Variants in ZNF98 observed in about 807,000 individuals in gnomAD.
ZNF98 encodes the protein zinc finger protein 739.
ZNF98 carries 8 observed loss-of-function variants against 12.8 expected under a neutral mutation model. The ratio of observed to expected loss-of-function variants is 0.63; its 90% CI spans 0.37 to 1.13. The LOEUF (loss-of-function observed/expected upper bound fraction) is 1.13. Ranked by LOEUF, ZNF98 falls within the 50% of genes most tolerant of loss-of-function variation. ZNF98 has a pLI of 0.01. For synonymous variants in ZNF98, 112 were observed against 223.5 expected, an observed-to-expected ratio of 0.50 and a Z score of 4.45; for missense variants, 379 against 666.1, an observed-to-expected ratio of 0.57 and a Z score of 4.74.
rs1441806233 is a variant in ZNF98 at position 22,392,548 on chromosome 19, T to G, written c.687A>C (p.Lys229Asn). 2 of 1,604,844 alleles carry G rather than the reference T, an allele frequency of 1.2e-6. No individual in the cohort carries two copies. Among genetic ancestry groups the G allele is most frequent in the Non-Finnish European group, 1.7e-6 (2 of 1,176,876 alleles). The change falls in exon 4 of 4, where the codon AAA becomes AAC. Residue 229 changes from lysine (K) to asparagine (N), a missense_variant. By Grantham distance (94) the Lys-to-Asn change is moderately conservative. This residue lies in a region of ZNF98 where 223 missense variants were observed against 261.6 expected (regional missense o/e 0.85). Coordinates refer to ENST00000357774, the MANE Select transcript of ZNF98 (RefSeq NM_001098626.2). ...YNEASNLSTH[K>N]RIHTGKKPYK... ...AGGGTTTCTTTCCAGTATGAATTCTTTTATGTGTAGAAAGGTTTGAGGCCT... is the reference window on the plus strand; with the variant it reads ...AGGGTTTCTTTCCAGTATGAATTCTGTTATGTGTAGAAAGGTTTGAGGCCT...
At chr19:22,411,941 C>T (rs1281132015) in intron 1 of ZNF98, among the ~76,000 whole-genome samples, 3 of 147,834 alleles carry the variant, frequency 2.0e-5, no homozygotes, top group Non-Finnish European at 4.5e-5. Flanking sequence ...TGTTAGAGAC[C>T]GATGAAGAGA....
intron 1 of ZNF98, among the ~76,000 whole-genome samples, chr19:22,410,392 C>T (rs990752564): frequency 6.6e-6 from 1 of 152,154 alleles, no homozygotes; most frequent in Non-Finnish European, 1.5e-5. Flanking sequence ...AAATATGGTA[C>T]ATACACACCA....
intron 3 of ZNF98, among the ~76,000 whole-genome samples, chr19:22,395,291 A>T (rs1323579408): frequency 6.6e-6 from 1 of 151,988 alleles, no homozygotes; most frequent in Admixed American, 6.6e-5. Flanking sequence ...GACTCCCAGA[A>T]TCTCTAGCCA....
At chr19:22,407,730 G>A (rs1969537530) in intron 1 of ZNF98, among the ~76,000 whole-genome samples, 1 of 150,870 alleles carries the variant, frequency 6.6e-6, no homozygotes, top group Non-Finnish European at 1.5e-5. Context: ...AAAAATAAAA[G>A]CAAAAACAAA....
At chr19:22,398,255 G>C (rs1969419364) in intron 3 of ZNF98, among the ~76,000 whole-genome samples, 2 of 152,226 alleles carry the variant, frequency 1.3e-5, no homozygotes, top group South Asian at 4.1e-4. Flanking sequence ...ACAGAAAACA[G>C]AATGGCATTT....
intron 1 of ZNF98, 116 bp downstream of exon 1, chr19:22,422,079 A>C (rs1159029488): frequency 1.5e-6 from 2 of 1,326,118 alleles, no homozygotes; most frequent in Admixed American, 1.7e-5. Context: ...AAGGAGAACT[A>C]GGGGCACGGA....
intron 3 of ZNF98, among the ~76,000 whole-genome samples, chr19:22,394,870 A>C (rs967914376): frequency 2.0e-5 from 3 of 152,210 alleles, no homozygotes; most frequent in African/African-American, 7.2e-5. Flanking sequence ...AAACAATTAT[A>C]GCAAGTGATT....
chr19:22,391,616 T>C lies in ZNF98; in HGVS notation c.1619A>G (p.His540Arg). The C allele has an allele frequency of 6.2e-7, 1 of 1,613,310 alleles. No individual in the cohort carries two copies. The highest frequency in any genetic ancestry group is 8.5e-7 in the Non-Finnish European group (1 of 1,179,642). The change falls in exon 4 of 4, where the codon CAT (histidine) becomes CGT (arginine). Residue 540 changes from histidine to arginine, a missense_variant. His to Arg is a conservative substitution (Grantham distance 29). Around this residue, in one of 8 missense-constraint regions of ZNF98, gnomAD observed 59 missense variants for 50.3 expected, o/e 1.17. Coordinates refer to ENST00000357774, the MANE Select transcript of ZNF98 (RefSeq NM_001098626.2). ...SSILNRHKMI[H>R]TGEKLYKPES... Reference sequence around the variant, plus strand: ...AGGTTTGTAGAGTTTCTCTCCAGTATGAATCATCTTATGTCTGTTAAGAAT... The same window carrying C: ...AGGTTTGTAGAGTTTCTCTCCAGTACGAATCATCTTATGTCTGTTAAGAAT...
chr19:22,405,767 C>T (rs1384975750), intron 1 of ZNF98, among the ~76,000 whole-genome samples: 4 of 152,202 alleles, frequency 2.6e-5, no homozygotes, highest in East Asian at 1.9e-4. Flanking sequence ...CTGAGCTCCC[C>T]GGGGAGGGGC....
intron 1 of ZNF98, among the ~76,000 whole-genome samples, chr19:22,417,440 C>CA (rs1969658137): frequency 6.6e-6 from 1 of 151,976 alleles, no homozygotes; most frequent in South Asian, 2.1e-4. Flanking sequence ...AGCTGTATAA[C>CA]AAACCTGCAT....
Position 22,392,851 on chromosome 19 carries a change from G to T in ZNF98, c.384C>A (p.Ser128Arg). ...CTTTGTGCACCTTACACTCATCCATGCTTTTACAGTATTTTCTTAACTGTA... is the reference window on the plus strand; with the variant it reads ...CTTTGTGCACCTTACACTCATCCATTCTTTTACAGTATTTTCTTAACTGTA... ...ENLQLRKYCK[S>R]MDECKVHKEC... Residue 128 changes from serine (S) to arginine (R), a missense_variant, in exon 4 of 4, where the codon AGC (serine) becomes AGA (arginine). This residue lies in a region of ZNF98 where 223 missense variants were observed against 261.6 expected (regional missense o/e 0.85). Coordinates refer to ENST00000357774, the MANE Select transcript of ZNF98 (RefSeq NM_001098626.2). 1 of 1,610,768 alleles carries T rather than the reference G, an allele frequency of 6.2e-7. No individual in the cohort carries two copies.
At chr19:22,410,369 G>C (rs1032149432) in intron 1 of ZNF98, among the ~76,000 whole-genome samples, 18 of 152,158 alleles carry the variant, frequency 1.2e-4, no homozygotes, top group Admixed American at 9.8e-4. Context: ...ATCAATGACA[G>C]ACTTGACAAA....
At chr19:22,397,847 TGTTGGAGGCATTACA>T (rs928486808) in intron 3 of ZNF98, among the ~76,000 whole-genome samples, 4 of 143,328 alleles carry the variant, frequency 2.8e-5, no homozygotes, top group African/African-American at 1.0e-4. Flanking sequence ...AACAAAACAA[TGTTGGAGGCATTACA>T]GTTCCTGATT....
At position 22,392,598 on chromosome 19, in the gene ZNF98, T is replaced by A; in HGVS notation, c.637A>T (p.Lys213Ter). 1 of 1,609,132 alleles carries A rather than the reference T, an allele frequency of 6.2e-7. No individual in the cohort carries two copies. Among genetic ancestry groups the A allele is most frequent in the East Asian group, 2.2e-5 (1 of 44,778 alleles). Reference sequence around the variant, plus strand: ...TCATTATAGGCTTTCCCACATTCTTTACATTTGTAGGGTTTCTCTCCACTA... The same window carrying A: ...TCATTATAGGCTTTCCCACATTCTTAACATTTGTAGGGTTTCTCTCCACTA... ...IHSGEKPYKCKECGKAYNEAS... is the reference protein window; with the variant it reads ...IHSGEKPYKC Residue 213 changes from lysine (K) to a stop codon, truncating the protein, a stop_gained, in exon 4 of 4, where the codon AAA (lysine) becomes TAA (stop). Coordinates refer to ENST00000357774, the MANE Select transcript of ZNF98 (RefSeq NM_001098626.2). LOFTEE classifies it low-confidence loss of function (END_TRUNC).
chr19:22,411,533 C>T (rs1333306850), intron 1 of ZNF98, among the ~76,000 whole-genome samples: 1 of 151,942 alleles, frequency 6.6e-6, no homozygotes, highest in Non-Finnish European at 1.5e-5. Flanking sequence ...CTTTTAATGA[C>T]CGAAAATTAA....
At chr19:22,402,437 C>G (rs1367361789) in intron 3 of ZNF98, 2 of 403,504 alleles carry the variant, frequency 5.0e-6, no homozygotes, top group Non-Finnish European at 8.7e-6. Context: ...ACTTGAAAAA[C>G]AGTTTAACAT....
At chr19:22,413,326 C>G (rs1255861203) in intron 1 of ZNF98, among the ~76,000 whole-genome samples, 2 of 151,980 alleles carry the variant, frequency 1.3e-5, no homozygotes, top group Non-Finnish European at 2.9e-5. Context: ...GACATAATGC[C>G]GTACCTGAAA....
intron 1 of ZNF98, among the ~76,000 whole-genome samples, chr19:22,421,912 A>T (rs1406514903): frequency 6.6e-6 from 1 of 152,176 alleles, no homozygotes; most frequent in East Asian, 1.9e-4. Context: ...GTCCCTGCAC[A>T]ATCTGGGAGA....
At chr19:22,415,956 GACACACACACACACAC>G (rs71180550) in intron 1 of ZNF98, among the ~76,000 whole-genome samples, 102 of 111,344 alleles carry the variant, frequency 9.2e-4, no homozygotes, top group Middle Eastern at 5.7e-3. Context: ...AAAAACTACA[GACACACACACACACAC>G]ACACACACAC....
Sources: allele counts gnomAD v4.1 joint callset (sites outside exome capture counted in the v4.1 genomes callset), GRCh38; gene constraint gnomAD v4.1.1; regional missense constraint gnomAD v4.1.1; transcripts MANE v1.5; gene names NCBI Gene and HGNC (gene_info 2026-07-23, HGNC 2026-07-21).